ATG12: variants seen among roughly 807,000 people sequenced by gnomAD.
ATG12 encodes autophagy related 12.
Under a neutral mutation model 17.6 loss-of-function variants are expected in ATG12, and 19 were observed. That is an observed-to-expected ratio of 1.08 (90% CI 0.75 to 1.58). ATG12 has a LOEUF of 1.58. Among genes scored for constraint, ATG12 ranks in the 40% most tolerant of loss-of-function variants. The pLI is 0.00. For missense variants in ATG12, 214 were observed against 162.0 expected (o/e 1.32, Z -1.74); for synonymous variants, 75 against 62.4 (o/e 1.20, Z -0.95).
intron 2 of ATG12, among the ~76,000 whole-genome samples, chr5:115,836,191 T>C (rs1304971727): frequency 6.6e-6 from 1 of 152,202 alleles, no homozygotes; most frequent in Non-Finnish European, 1.5e-5. Context: ...ATTGTTTTCA[T>C]AGGGTAAAAT....
intron 2 of ATG12, 24 bp downstream of exon 2, chr5:115,837,604 A>G: frequency 6.2e-7 from 1 of 1,607,424 alleles, no homozygotes; most frequent in Non-Finnish European, 8.5e-7. Context: ...TTTTTGTAGG[A>G]AAACATCACC....
At chr5:115,831,974 AC>A (rs1760888481) in intron 3 of ATG12, 111 bp from the exon 4 acceptor site, 1 of 964,464 alleles carries the variant, frequency 1.0e-6, no homozygotes, top group Non-Finnish European at 1.6e-6. Context: ...ATATTAAGTT[AC>A]CTATGTTACA....
chr5:115,833,460 C>A (rs1760969079), intron 2 of ATG12: 2 of 152,052 alleles, frequency 1.3e-5, no homozygotes, highest in African/African-American at 4.8e-5. Context: ...TTGCTTGCAT[C>A]TCTCTTAGCC....
intron 2 of ATG12, chr5:115,833,995 C>T (rs930037920): frequency 6.6e-6 from 1 of 152,072 alleles, no homozygotes; most frequent in Non-Finnish European, 1.5e-5. Context: ...GTAGGAGAGG[C>T]AGAGACACAC....
chr5:115,838,533 T>C (rs1453084147), intron 1 of ATG12: 1 of 152,202 alleles, frequency 6.6e-6, no homozygotes, highest in Non-Finnish European at 1.5e-5. Context: ...TGGAAGAATA[T>C]GCAACAAAAT....
Position 115,830,545 on chromosome 5 carries a change from CTTTT to C in ATG12, c.*1255_*1258del, listed in dbSNP as rs1030434340. ...CATTACATTCGATTTACTAGAATGCCTTTTTTTTTCTTTTTTGAGATGGGGTCTC... is the reference window on the plus strand; with the variant it reads ...CATTACATTCGATTTACTAGAATGCCTTTTTCTTTTTTGAGATGGGGTCTC... On this transcript the variant is annotated 3_prime_UTR_variant, in exon 4 of 4. Transcript: ENST00000509910. The C allele has an allele frequency of 6.6e-6, 1 of 151,220 alleles. No individual in the cohort carries two copies. The highest frequency in any genetic ancestry group is 1.5e-5 in the Non-Finnish European group (1 of 67,736). 9.4% of individuals were successfully genotyped at this position (151,220 alleles called of 1,614,324 possible).
chr5:115,840,989 C>A (rs1214530254), intron 1 of ATG12: 5 of 845,612 alleles, frequency 5.9e-6, no homozygotes, highest in Non-Finnish European at 8.5e-6. Flanking sequence ...GAATTCTAAT[C>A]CAGGCTTTGC....
intron 1 of ATG12, 124 bp from the exon 2 acceptor site, chr5:115,837,888 G>T: frequency 1.3e-6 from 1 of 761,830 alleles, no homozygotes; most frequent in Non-Finnish European, 1.9e-6. Flanking sequence ...TGATACTGAA[G>T]ATATGTGAGA....
At chr5:115,838,558 G>C (rs527328250) in intron 1 of ATG12, 1 of 152,288 alleles carries the variant, frequency 6.6e-6, no homozygotes, top group South Asian at 2.1e-4. Flanking sequence ...TTTCTCAGTA[G>C]TGACATTGTA....
At chr5:115,838,310 T>C (rs1761189366) in intron 1 of ATG12, 1 of 152,240 alleles carries the variant, frequency 6.6e-6, no homozygotes, top group Non-Finnish European at 1.5e-5. Context: ...TTTATTTTTA[T>C]ATGAAACACT....
chr5:115,837,286 T>C (rs1255054570), intron 2 of ATG12, among the ~76,000 whole-genome samples: 1 of 152,050 alleles, frequency 6.6e-6, no homozygotes, highest in Non-Finnish European at 1.5e-5. Context: ...ACTCATGTAA[T>C]TCTAGCACTT....
chr5:115,837,377 G>A (rs1761149048), intron 2 of ATG12, among the ~76,000 whole-genome samples: 1 of 151,894 alleles, frequency 6.6e-6, no homozygotes, highest in South Asian at 2.1e-4. Context: ...CTGGCTACTA[G>A]GGTGGCTGAG....
At chr5:115,841,022 A>T (rs147880859) in intron 1 of ATG12, 1 of 546,314 alleles carries the variant, frequency 1.8e-6, no homozygotes, top group East Asian at 6.8e-5. Flanking sequence ...CTACCACCAT[A>T]AAACATTACT....
At chr5:115,840,709 A>C in intron 1 of ATG12, 3 of 1,195,364 alleles carry the variant, frequency 2.5e-6, no homozygotes, top group South Asian at 1.5e-5. Flanking sequence ...CTCTAACTCT[A>C]AACAGAGTGC....
chr5:115,830,400 A>G lies in ATG12; in HGVS notation c.*1404T>C, dbSNP rs1561448837. 1 of 152,164 alleles carries G rather than the reference A, an allele frequency of 6.6e-6. No homozygotes were observed. Among genetic ancestry groups the G allele is most frequent in the South Asian group, 2.1e-4 (1 of 4,836 alleles). 9.4% of individuals were successfully genotyped at this position (152,164 alleles called of 1,614,324 possible). A position where few individuals can be genotyped will look rare whatever the true frequency, so the allele number is the denominator to read the frequency against. ...TGAATATAATTAAATATATTCCTTC[A>G]GTAAACTGAACTGGACAAAACTAGA... On this transcript the variant is annotated 3_prime_UTR_variant, in exon 4 of 4. Transcript: ENST00000509910.
rs1330087406 is a variant in ATG12, at chr5:115,828,755, T to C, written c.*3049A>G. ...TGTTACATTACTAATTATTTACATA[T>C]AAGGAAATGTACTAAGTATTATGTG... On this transcript the variant is annotated 3_prime_UTR_variant, in exon 4 of 4. Transcript: ENST00000509910. 1 of 152,176 alleles carries C rather than the reference T, an allele frequency of 6.6e-6. No individual in the cohort carries two copies. Among genetic ancestry groups the C allele is most frequent in the Non-Finnish European group, 1.5e-5 (1 of 68,010 alleles). 9.4% of individuals were successfully genotyped at this position (152,176 alleles called of 1,614,324 possible).
intron 2 of ATG12, among the ~76,000 whole-genome samples, chr5:115,837,289 T>C (rs374185740): frequency 1.4e-3 from 210 of 152,224 alleles, no homozygotes; most frequent in African/African-American, 4.7e-3. Context: ...CATGTAATTC[T>C]AGCACTTCTG....
In ATG12 at chr5:115,839,122, CA is replaced by C. The variant is rs35189719; in HGVS notation, c.164-1359del. The C allele has an allele frequency of 7.2e-3, 752 of 103,972 alleles. 2 individuals are homozygous for C. Among genetic ancestry groups the C allele is most frequent in the East Asian group, 0.013 (41 of 3,264 alleles). 6.4% of individuals were successfully genotyped at this position (103,972 alleles called of 1,614,324 possible). On this transcript the variant is annotated intron_variant, in intron 1 of 3. Coordinates refer to ENST00000509910, the MANE Select transcript of ATG12 (RefSeq NM_004707.4). ...TGGGTGACAGACTGAGACATCCTCT[CA>C]AAAAAAAAAAAAAAAAAATCTACAG...
chr5:115,832,199 T>A (rs6880889), intron 3 of ATG12, among the ~76,000 whole-genome samples: 55,167 of 152,022 alleles, frequency 0.36, 12,650 homozygotes, highest in African/African-American at 0.64. Context: ...TTACAATGAC[T>A]CTGTAAGATG....
Sources: allele counts gnomAD v4.1 joint callset (sites outside exome capture counted in the v4.1 genomes callset), GRCh38; gene constraint gnomAD v4.1.1; transcripts MANE v1.5; gene names NCBI Gene and HGNC (gene_info 2026-07-23, HGNC 2026-07-21).